AK5: variants seen among roughly 807,000 people sequenced by gnomAD.
The protein encoded by AK5 is adenylate kinase isoenzyme 5.
AK5 carries 27 observed loss-of-function variants against 69.5 expected under a neutral mutation model. The observed-to-expected ratio is 0.39, with a 90% CI of 0.29 to 0.54. AK5 has a LOEUF of 0.54. Ranked by LOEUF, AK5 falls within the 20% of genes least tolerant of loss-of-function variation. The pLI, the probability that AK5 is intolerant of heterozygous loss-of-function variation, is 0.71. For synonymous variants in AK5, 260 were observed against 244.4 expected, an observed-to-expected ratio of 1.06 and a Z score of -0.60; for missense variants, 531 against 700.4, an observed-to-expected ratio of 0.76 and a Z score of 2.73.
At chr1:77,501,026 A>C (rs1656688195) in intron 10 of AK5, among the ~76,000 whole-genome samples, 1 of 152,222 alleles carries the variant, frequency 6.6e-6, no homozygotes, top group African/African-American at 2.4e-5. Context: ...GTAAGAGGAC[A>C]AAGAAACCAC....
chr1:77,307,363 A>G (rs940720864), intron 5 of AK5, among the ~76,000 whole-genome samples: 17 of 151,302 alleles, frequency 1.1e-4, no homozygotes, highest in Admixed American at 3.9e-4. Flanking sequence ...CCCACTGGTC[A>G]ATCAAGAAAT....
Position 77,499,869 on chromosome 1 carries a change from C to CTTTTTTTTTTTTTTTTTTTTT in AK5, c.1147+13517_1147+13518insTTTTTTTTTTTTTTTTTTTTT, listed in dbSNP as rs749712310. 2.5e-5 allele frequency among the ~76,000 whole-genome samples: 2 copies of CTTTTTTTTTTTTTTTTTTTTT among 78,768 alleles called. 1 individual carries two copies. The highest frequency in any genetic ancestry group is 9.1e-5 in the African/African-American group (2 of 22,060). 51.7% of individuals were successfully genotyped at this position (78,768 alleles called of 152,430 possible). A position where few individuals can be genotyped will look rare whatever the true frequency, so the allele number is the denominator to read the frequency against. On this transcript the variant is annotated intron_variant, in intron 10 of 13. Coordinates refer to ENST00000354567, the MANE Select transcript of AK5 (RefSeq NM_174858.3). ...GATGACAGAGACCATGCCCTTTTTC[C>CTTTTTTTTTTTTTTTTTTTTT]ATTTTTTTTTTTTTTTTTTTTTTTT...
intron 6 of AK5, among the ~76,000 whole-genome samples, chr1:77,398,857 T>C (rs965440359): frequency 6.6e-6 from 1 of 152,168 alleles, no homozygotes; most frequent in African/African-American, 2.4e-5. Context: ...TATATCTATA[T>C]TGAATTGCAT....
intron 8 of AK5, among the ~76,000 whole-genome samples, chr1:77,422,120 C>G (rs774641843): frequency 6.6e-6 from 1 of 152,144 alleles, no homozygotes; most frequent in Non-Finnish European, 1.5e-5. Context: ...GGGCGTCTTC[C>G]TAGCCTCCTT....
intron 6 of AK5, among the ~76,000 whole-genome samples, chr1:77,403,950 G>C (rs1557564720): frequency 6.6e-6 from 1 of 152,132 alleles, no homozygotes; most frequent in Admixed American, 6.5e-5. Context: ...TCTTCCATTT[G>C]TTTTGTATCC....
At chr1:77,519,327 A>G (rs905520353) in intron 11 of AK5, among the ~76,000 whole-genome samples, 102 of 152,132 alleles carry the variant, frequency 6.7e-4, no homozygotes, top group Non-Finnish European at 2.2e-4. Flanking sequence ...TGATTTCTCT[A>G]TAACCAGCTG....
intron 6 of AK5, among the ~76,000 whole-genome samples, chr1:77,353,908 A>G (rs1275290641): frequency 6.6e-6 from 1 of 152,208 alleles, no homozygotes; most frequent in Non-Finnish European, 1.5e-5. Flanking sequence ...GCCTCATTGC[A>G]TCTGACCATT....
At chr1:77,451,215 A>G (rs1367006300) in intron 8 of AK5, among the ~76,000 whole-genome samples, 4 of 152,178 alleles carry the variant, frequency 2.6e-5, no homozygotes, top group African/African-American at 7.2e-5. Flanking sequence ...GCAAAACTAC[A>G]TGCTATGGAA....
chr1:77,384,946 A>G (rs951174042), intron 6 of AK5, among the ~76,000 whole-genome samples: 1 of 152,124 alleles, frequency 6.6e-6, no homozygotes, highest in Non-Finnish European at 1.5e-5. Context: ...GCCTGGGTGC[A>G]AGTCCTAGCT....
chr1:77,369,591 G>C (rs902946411), intron 6 of AK5, among the ~76,000 whole-genome samples: 1 of 130,698 alleles, frequency 7.7e-6, no homozygotes, highest in East Asian at 2.0e-4. Flanking sequence ...CTGATCATGA[G>C]AGTTATATTA....
intron 5 of AK5, among the ~76,000 whole-genome samples, chr1:77,326,200 T>C (rs1660795707): frequency 6.6e-6 from 1 of 152,198 alleles, no homozygotes; most frequent in Non-Finnish European, 1.5e-5. Context: ...GAGATCTGGT[T>C]AAGACCTAAT....
At chr1:77,353,432 C>T (rs1207923178) in intron 6 of AK5, among the ~76,000 whole-genome samples, 2 of 152,070 alleles carry the variant, frequency 1.3e-5, no homozygotes. Flanking sequence ...GAGCCAAAAT[C>T]GTGCCACTGT....
chr1:77,519,970 G>A lies in AK5; in HGVS notation c.1311+1243G>A, dbSNP rs142631459. ...TGTAATCCCAGCACTTTGGGAGGCC[G>A]AGGCAGGTGAATCACGAGGTCAGGA... On this transcript the variant is annotated intron_variant, in intron 11 of 13. Transcript: ENST00000354567. Among the ~76,000 whole-genome samples, 87 of 152,264 alleles carry A rather than the reference G, an allele frequency of 5.7e-4. 1 individual carries two copies. The highest frequency in any genetic ancestry group is 3.4e-3 in the Middle Eastern group (1 of 294).
intron 13 of AK5, among the ~76,000 whole-genome samples, chr1:77,539,811 C>G (rs1472571507): frequency 6.6e-6 from 1 of 152,132 alleles, no homozygotes; most frequent in Non-Finnish European, 1.5e-5. Context: ...ATTGTTTGCC[C>G]CTCCTCCCTG....
At chr1:77,422,317 G>A (rs1489951892) in intron 8 of AK5, among the ~76,000 whole-genome samples, 1 of 152,110 alleles carries the variant, frequency 6.6e-6, no homozygotes, top group Admixed American at 6.5e-5. Context: ...TTATCTTCCT[G>A]AAAGCACACA....
chr1:77,380,042 A>G (rs1647520233), intron 6 of AK5, among the ~76,000 whole-genome samples: 1 of 152,248 alleles, frequency 6.6e-6, no homozygotes, highest in Non-Finnish European at 1.5e-5. Context: ...GAGCCCACAG[A>G]GTAAAGAATG....
intron 8 of AK5, among the ~76,000 whole-genome samples, chr1:77,432,132 A>G (rs1222204076): frequency 6.6e-6 from 1 of 152,020 alleles, no homozygotes; most frequent in Admixed American, 6.5e-5. Context: ...AAGTGACTCT[A>G]TTTTGATTCT....
At chr1:77,343,575 A>G (rs2100390981) in intron 6 of AK5, among the ~76,000 whole-genome samples, 1 of 152,260 alleles carries the variant, frequency 6.6e-6, no homozygotes, top group East Asian at 1.9e-4. Context: ...GCTTTGCCTG[A>G]TTCAGATTCC....
At chr1:77,364,573 T>A (rs1356584988) in intron 6 of AK5, among the ~76,000 whole-genome samples, 1 of 152,170 alleles carries the variant, frequency 6.6e-6, no homozygotes, top group South Asian at 2.1e-4. Flanking sequence ...CTTTTTACTT[T>A]TGTGAGATCA....
Sources: gnomAD v4.1 joint callset for allele counts (sites outside exome capture counted in the v4.1 genomes callset) on GRCh38, gnomAD v4.1.1 for gene constraint, MANE v1.5 for transcripts, NCBI Gene and HGNC (gene_info 2026-07-23, HGNC 2026-07-21) for gene names.